Variants in HECW1 observed in about 807,000 individuals in gnomAD.
HECW1 encodes E3 ubiquitin-protein ligase HECW1.
Under a neutral mutation model 182.3 loss-of-function variants are expected in HECW1, and 61 were observed. The observed-to-expected ratio is 0.33, with a 90% CI of 0.27 to 0.41. The LOEUF is 0.41. Among genes scored for constraint, HECW1 ranks in the 10% least tolerant of loss-of-function variants. The pLI, the probability that HECW1 is intolerant of heterozygous loss-of-function variation, is 1.00. For missense variants in HECW1, 1,739 were observed against 2,108.9 expected (o/e 0.82, Z 3.44); for synonymous variants, 859 against 832.6 (o/e 1.03, Z -0.55).
At position 43,349,401 on chromosome 7, in the gene HECW1, G is replaced by T. The variant is rs531592059; in HGVS notation, c.461-11485G>T. 5.9e-5 allele frequency among the ~76,000 whole-genome samples: 9 copies of T among 152,258 alleles called. No individual in the cohort carries two copies. In the South Asian group the frequency reaches 1.9e-3, roughly 32 times the overall value. On this transcript the variant is annotated intron_variant, in intron 5 of 29. Coordinates refer to ENST00000395891, the MANE Select transcript of HECW1 (RefSeq NM_015052.5). Reference sequence around the variant, plus strand: ...TTCCAAGGTATAGTTTAAGTCCATTGTTTCTTTGTTGACTTCCTGTCTTAA... The same window carrying T: ...TTCCAAGGTATAGTTTAAGTCCATTTTTTCTTTGTTGACTTCCTGTCTTAA...
chr7:43,142,270 C>A (rs1241810836), intron 2 of HECW1, among the ~76,000 whole-genome samples: 1 of 152,204 alleles, frequency 6.6e-6, no homozygotes, highest in Non-Finnish European at 1.5e-5. Flanking sequence ...GGGACTTGGA[C>A]AACACTGTGG....
chr7:43,469,444 C>T (rs1401527144), intron 16 of HECW1, among the ~76,000 whole-genome samples: 1 of 152,180 alleles, frequency 6.6e-6, no homozygotes, highest in African/African-American at 2.4e-5. Context: ...TGAATTCTGT[C>T]CAATGACCTT....
In HECW1 at chr7:43,548,092, C is replaced by A. The variant is rs548741048; in HGVS notation, c.4249-2353C>A. On this transcript the variant is annotated intron_variant, in intron 26 of 29. Transcript: ENST00000395891. ...TTGATGTTTGTATTTGTCTCAACTG[C>A]CAGTGGCACCATGTACAGGCTCTAA... Among the ~76,000 whole-genome samples the A allele has an allele frequency of 2.0e-5, 3 of 152,304 alleles. No homozygotes were observed. In the East Asian group the frequency reaches 5.8e-4, roughly 29 times the overall value.
intron 2 of HECW1, among the ~76,000 whole-genome samples, chr7:43,178,763 T>C (rs1479944378): frequency 6.6e-6 from 1 of 152,204 alleles, no homozygotes. Flanking sequence ...ATGCTTTGAA[T>C]CACTGTGGTT....
chr7:43,193,981 G>T (rs566183058), intron 2 of HECW1, among the ~76,000 whole-genome samples: 1 of 152,170 alleles, frequency 6.6e-6, no homozygotes, highest in Admixed American at 6.5e-5. Context: ...GCTTTGATTC[G>T]CTTCAGCACT....
At chr7:43,415,065 G>A (rs1676389762) in intron 8 of HECW1, among the ~76,000 whole-genome samples, 1 of 151,410 alleles carries the variant, frequency 6.6e-6, no homozygotes, top group Admixed American at 6.6e-5. Context: ...ATTTGATCCT[G>A]TCATTATGAT....
chr7:43,140,300 A>G (rs1788021456), intron 2 of HECW1, among the ~76,000 whole-genome samples: 1 of 152,154 alleles, frequency 6.6e-6, no homozygotes, highest in African/African-American at 2.4e-5. Flanking sequence ...TGCTGAAGTT[A>G]GTGGACTCAC....
At chr7:43,158,239 G>A (rs1309188546) in intron 2 of HECW1, among the ~76,000 whole-genome samples, 1 of 152,102 alleles carries the variant, frequency 6.6e-6, no homozygotes, top group Non-Finnish European at 1.5e-5. Flanking sequence ...AATATGGGTG[G>A]TTATTATACA....
intron 5 of HECW1, among the ~76,000 whole-genome samples, chr7:43,335,863 C>T (rs762240529): frequency 3.6e-4 from 54 of 149,510 alleles, no homozygotes; most frequent in Admixed American, 9.4e-4. Context: ...CTTCATCTCT[C>T]TCTTTCTCTT....
chr7:43,227,135 A>C (rs1797500826), intron 2 of HECW1, among the ~76,000 whole-genome samples: 1 of 152,220 alleles, frequency 6.6e-6, no homozygotes, highest in Non-Finnish European at 1.5e-5. Context: ...GTCCTGCTTT[A>C]TGTTAAATGC....
At chr7:43,251,370 C>A (rs1188478854) in intron 3 of HECW1, among the ~76,000 whole-genome samples, 1 of 152,094 alleles carries the variant, frequency 6.6e-6, no homozygotes, top group Non-Finnish European at 1.5e-5. Context: ...AGTGCGATAG[C>A]GCGGCCTTGG....
At chr7:43,380,144 C>T (rs7800505) in intron 6 of HECW1, among the ~76,000 whole-genome samples, 4,409 of 152,324 alleles carry the variant, frequency 0.029, 230 homozygotes, top group African/African-American at 0.1. Context: ...CTTTGACCTC[C>T]TGTGCTCAAG....
intron 4 of HECW1, among the ~76,000 whole-genome samples, chr7:43,313,857 C>G (rs1214237093): frequency 6.6e-6 from 1 of 152,148 alleles, no homozygotes; most frequent in Non-Finnish European, 1.5e-5. Flanking sequence ...GCCACAGTCC[C>G]CTCCCACCCA....
chr7:43,464,419 A>G (rs1384358145), intron 14 of HECW1, among the ~76,000 whole-genome samples: 2 of 152,088 alleles, frequency 1.3e-5, no homozygotes, highest in East Asian at 1.9e-4. Flanking sequence ...TCTGGTTTTC[A>G]TGGTTTTCAT....
chr7:43,161,599 A>G (rs530480180), intron 2 of HECW1: 1 of 152,372 alleles, frequency 6.6e-6, no homozygotes, highest in South Asian at 2.1e-4. Flanking sequence ...TATTTCAAAT[A>G]TCGCTTTCAG....
intron 6 of HECW1, among the ~76,000 whole-genome samples, chr7:43,385,754 G>A (rs1334817273): frequency 6.6e-6 from 1 of 152,208 alleles, no homozygotes; most frequent in Non-Finnish European, 1.5e-5. Flanking sequence ...TGTTGAAAAT[G>A]AGCTTTGGAT....
At chr7:43,113,971 C>T (rs1022756533) in intron 1 of HECW1, 186 bp from the exon 2 acceptor site, 2 of 312,448 alleles carry the variant, frequency 6.4e-6, no homozygotes, top group African/African-American at 2.1e-5. Context: ...CAGAGATGCC[C>T]GGCTTCCTGT....
chr7:43,320,616 T>C lies in HECW1; in HGVS notation c.353-19T>C. ...ACTGATATGTTTCTCTGCTCTGCTT[T>C]CTTCCTCTGGGAATATAGATGAGGT... is the stretch of plus-strand genomic sequence containing the variant. On this transcript the variant is annotated intron_variant, in intron 4 of 29. Coordinates refer to ENST00000395891, the MANE Select transcript of HECW1 (RefSeq NM_015052.5). 6.5e-7 allele frequency: 1 copy of C among 1,541,652 alleles called. No homozygotes were observed. Among genetic ancestry groups the C allele is most frequent in the Non-Finnish European group, 9.0e-7 (1 of 1,113,840 alleles).
chr7:43,240,319 C>T (rs979227005), intron 2 of HECW1, among the ~76,000 whole-genome samples: 1 of 152,080 alleles, frequency 6.6e-6, no homozygotes, highest in African/African-American at 2.4e-5. Flanking sequence ...GCCTAGGCGA[C>T]AGAGCAAGAC....
Sources: allele counts gnomAD v4.1 joint callset (sites outside exome capture counted in the v4.1 genomes callset), GRCh38; gene constraint gnomAD v4.1.1; transcripts MANE v1.5; gene names NCBI Gene and HGNC (gene_info 2026-07-23, HGNC 2026-07-21).